Variants in PRKCZ observed in about 807,000 individuals in gnomAD.
PRKCZ encodes protein kinase C zeta type.
Under a neutral mutation model 79.5 loss-of-function variants are expected in PRKCZ, and 33 were observed. The observed-to-expected ratio is 0.41, with a 90% confidence interval of 0.31 to 0.55. The LOEUF is 0.55. Among genes scored for constraint, PRKCZ ranks in the 20% least tolerant of loss-of-function variants. The pLI, the probability that PRKCZ is intolerant of heterozygous loss-of-function variation, is 0.19. For missense variants in PRKCZ, 578 were observed against 813.5 expected, an observed-to-expected ratio of 0.71 and a Z score of 3.52; for synonymous variants, 342 against 320.9, an observed-to-expected ratio of 1.07 and a Z score of -0.70.
chr1:2,170,489 G>A lies in PRKCZ; in HGVS notation c.1061+885G>A, dbSNP rs1344080043. ...TCCCACAACGCTGTTTTTAAAAACT[G>A]TGGCAACACACAACATAAAAGGTAG... On this transcript the variant is annotated intron_variant, in intron 11 of 17. Transcript: ENST00000378567. Among the ~76,000 whole-genome samples the A allele has an allele frequency of 1.4e-3, 7 of 5,008 alleles. No individual in the cohort carries two copies. In the East Asian group the frequency reaches 0.15, roughly 109 times the overall value. 3.3% of individuals were successfully genotyped at this position (5,008 alleles called of 152,430 possible). A position where few individuals can be genotyped will look rare whatever the true frequency, so the allele number is the denominator to read the frequency against.
chr1:2,181,718 C>T (rs1686649013), intron 16 of PRKCZ: 2 of 422,780 alleles, frequency 4.7e-6, no homozygotes, highest in Admixed American at 5.1e-5. Context: ...CCAGCTCCAG[C>T]TGGGTCCTGC....
At chr1:2,137,457 C>T (rs746153267) in intron 5 of PRKCZ, among the ~76,000 whole-genome samples, 8 of 152,226 alleles carry the variant, frequency 5.3e-5, no homozygotes, top group African/African-American at 9.6e-5. Context: ...GTCAAGTCGG[C>T]GCCTGGTGTG....
intron 10 of PRKCZ, among the ~76,000 whole-genome samples, chr1:2,160,226 C>T (rs796950904): frequency 2.1e-5 from 3 of 142,816 alleles, no homozygotes; most frequent in African/African-American, 8.4e-5. Flanking sequence ...AAGCACTTCA[C>T]CCAGCAGTGT....
chr1:2,121,284 C>T (rs751716840), intron 4 of PRKCZ, among the ~76,000 whole-genome samples: 3 of 152,206 alleles, frequency 2.0e-5, no homozygotes, highest in Non-Finnish European at 2.9e-5. Flanking sequence ...CTCCTGAGGC[C>T]AAGTTCCTCC....
Position 2,176,900 on chromosome 1 carries a change from C to T in PRKCZ, c.1575+1587C>T, listed in dbSNP as rs556159050. On this transcript the variant is annotated intron_variant, in intron 16 of 17. Transcript: ENST00000378567. ...CAGCTGGGCTGCTGCCAAACTAGGA[C>T]GGGGCCATTCTCTGTCGTGCGGTTG... is the stretch of plus-strand genomic sequence containing the variant. Among the ~76,000 whole-genome samples the T allele has an allele frequency of 7.2e-5, 11 of 152,340 alleles. No homozygotes were observed. The East Asian group carries it at 9.6e-4, about 13-fold the overall frequency.
At chr1:2,102,851 G>A (rs938926897) in intron 4 of PRKCZ, among the ~76,000 whole-genome samples, 1 of 151,956 alleles carries the variant, frequency 6.6e-6, no homozygotes, top group Non-Finnish European at 1.5e-5. Flanking sequence ...TTGGACTCTT[G>A]ACTGTTTTTA....
At chr1:2,068,849 C>G (rs149404689) in intron 4 of PRKCZ, among the ~76,000 whole-genome samples, 1,529 of 152,320 alleles carry the variant, frequency 0.01, 17 homozygotes, top group Non-Finnish European at 0.015. Context: ...CCTGGCAGGA[C>G]AGACAGCAGG....
intron 4 of PRKCZ, among the ~76,000 whole-genome samples, chr1:2,121,918 CTGTAGTTAGCGTCATGGT>C (rs1672203514): frequency 8.6e-6 from 1 of 116,452 alleles, no homozygotes; most frequent in Non-Finnish European, 1.9e-5. Flanking sequence ...AGGGTCACGG[CTGTAGTTAGCGTCATGGT>C]GGTGGTTAGG....
rs1400341250 is a variant in PRKCZ, at chr1:2,165,263, T to G, written c.975-4255T>G. ...AGGAATCTGATTTTCCAGCGTGCCCTGTAATGACGGTGCTGTCACCGCTGT... is the reference window on the plus strand; with the variant it reads ...AGGAATCTGATTTTCCAGCGTGCCCGGTAATGACGGTGCTGTCACCGCTGT... On this transcript the variant is annotated intron_variant, in intron 10 of 17. Transcript: ENST00000378567. This position sits in a 1 kb window ranked among gnomAD's most constrained non-coding sequence, Gnocchi z 4.1. 6.6e-6 allele frequency among the ~76,000 whole-genome samples: 1 copy of G among 152,188 alleles called. No homozygotes were observed. Among genetic ancestry groups the G allele is most frequent in the Non-Finnish European group, 1.5e-5 (1 of 68,032 alleles).
chr1:2,071,429 TC>T, intron 4 of PRKCZ: 1 of 351,184 alleles, frequency 2.8e-6, no homozygotes, highest in South Asian at 2.0e-5. Flanking sequence ...GCTGGTGTCC[TC>T]CAGGCCTGGG....
chr1:2,124,657 G>C (rs1319981910), intron 4 of PRKCZ, among the ~76,000 whole-genome samples: 1 of 152,174 alleles, frequency 6.6e-6, no homozygotes, highest in Non-Finnish European at 1.5e-5. Context: ...GTATTTTGCT[G>C]TGGTGGCTGA....
intron 4 of PRKCZ, among the ~76,000 whole-genome samples, chr1:2,086,855 C>T (rs768167195): frequency 1.3e-5 from 2 of 152,192 alleles, no homozygotes; most frequent in Non-Finnish European, 1.5e-5. Context: ...GCTTCAGAGC[C>T]GCGGCATCGT....
intron 10 of PRKCZ, among the ~76,000 whole-genome samples, chr1:2,158,662 A>T (rs557031524): frequency 6.6e-6 from 1 of 152,174 alleles, no homozygotes; most frequent in Non-Finnish European, 1.5e-5. Flanking sequence ...GTTCTTCTTC[A>T]TATGTGAACT....
At chr1:2,167,665 G>A (rs957748010) in intron 10 of PRKCZ, among the ~76,000 whole-genome samples, 8 of 152,092 alleles carry the variant, frequency 5.3e-5, no homozygotes, top group African/African-American at 9.7e-5. Flanking sequence ...GTGCAGTGGC[G>A]CAATCTCAGC....
At chr1:2,084,998 GACCCTCTTAAAAAAAGA>G (rs1448867913) in intron 4 of PRKCZ, among the ~76,000 whole-genome samples, 3 of 150,194 alleles carry the variant, frequency 2.0e-5, no homozygotes, top group Non-Finnish European at 3.0e-5. Context: ...GACAGAGTGA[GACCCTCTTAAAAAAAGA>G]AAAAAAAAAA....
intron 4 of PRKCZ, among the ~76,000 whole-genome samples, chr1:2,129,681 T>A (rs970319714): frequency 1.3e-5 from 2 of 152,160 alleles, no homozygotes; most frequent in African/African-American, 4.8e-5. Context: ...AAAGCTGTTC[T>A]TAAAAATAGT....
chr1:2,087,234 C>T (rs1261765095), intron 4 of PRKCZ, among the ~76,000 whole-genome samples: 1 of 152,048 alleles, frequency 6.6e-6, no homozygotes, highest in African/African-American at 2.4e-5. Context: ...AGGCACCCAC[C>T]ACCACACCCA....
chr1:2,083,082 C>T (rs1018893496), intron 4 of PRKCZ, among the ~76,000 whole-genome samples: 4 of 152,160 alleles, frequency 2.6e-5, no homozygotes, highest in Non-Finnish European at 4.4e-5. Flanking sequence ...ATACCTTGGT[C>T]CAAATTTTCA....
chr1:2,115,318 C>T (rs1406918391), intron 4 of PRKCZ, among the ~76,000 whole-genome samples: 1 of 152,246 alleles, frequency 6.6e-6, no homozygotes, highest in Non-Finnish European at 1.5e-5. Context: ...CTTTTGGCCA[C>T]AGACATCCGA....
Sources: allele counts gnomAD v4.1 joint callset (sites outside exome capture counted in the v4.1 genomes callset), GRCh38; gene constraint gnomAD v4.1.1; non-coding constraint Gnocchi (gnomAD v3.1); transcripts MANE v1.5; gene names NCBI Gene and HGNC (gene_info 2026-07-23, HGNC 2026-07-21).